The following CCDC27 variants were observed in gnomAD, a reference collection of about 807,000 sequenced individuals.
CCDC27 encodes the protein coiled-coil domain containing 27.
CCDC27 carries 80 observed loss-of-function variants against 80.3 expected under a neutral mutation model. That is an observed-to-expected ratio of 1.00 (90% CI 0.83 to 1.20). CCDC27 has a LOEUF of 1.20. CCDC27 is among the 50% of genes most tolerant of loss of function. The pLI, the probability that CCDC27 is intolerant of heterozygous loss-of-function variation, is 0.00. For missense variants in CCDC27, 815 were observed against 809.4 expected (o/e 1.01, Z -0.08); for synonymous variants, 342 against 334.3 (o/e 1.02, Z -0.25).
intron 3 of CCDC27, 115 bp from the exon 4 acceptor site, chr1:3,756,618 G>A: frequency 9.2e-7 from 1 of 1,082,098 alleles, no homozygotes; most frequent in Non-Finnish European, 1.4e-6. Context: ...GTCTGTCTGG[G>A]CAGATAGGGG....
intron 8 of CCDC27, among the ~76,000 whole-genome samples, chr1:3,764,993 C>T (rs952676940): frequency 2.0e-5 from 3 of 149,568 alleles, no homozygotes; most frequent in African/African-American, 7.4e-5. Context: ...CAAGATTGCA[C>T]CATTGCACTC....
intron 5 of CCDC27, among the ~76,000 whole-genome samples, chr1:3,762,341 G>T (rs896644078): frequency 2.0e-5 from 3 of 152,300 alleles, no homozygotes; most frequent in African/African-American, 7.2e-5. Context: ...CACAGTGGGC[G>T]TGTGTAAGGC....
intron 2 of CCDC27, 79 bp from the exon 3 acceptor site, chr1:3,755,378 A>G: frequency 8.1e-7 from 1 of 1,227,638 alleles, no homozygotes; most frequent in Admixed American, 1.7e-5. Context: ...GTGTTTAAGG[A>G]TAAATAAGAG....
intron 2 of CCDC27, among the ~76,000 whole-genome samples, chr1:3,755,032 G>C (rs1006792450): frequency 1.3e-5 from 2 of 152,188 alleles, no homozygotes; most frequent in African/African-American, 4.8e-5. Flanking sequence ...GGGGCCACAC[G>C]GTGTCCTGGG....
intron 8 of CCDC27, among the ~76,000 whole-genome samples, chr1:3,764,468 C>CA (rs144068514): frequency 0.025 from 3,769 of 151,998 alleles, 170 homozygotes; most frequent in African/African-American, 0.086. Context: ...TTAATGCTTC[C>CA]TTTTTTTTCC....
chr1:3,756,489 G>A (rs577785634), intron 3 of CCDC27: 15 of 398,838 alleles, frequency 3.8e-5, no homozygotes, highest in African/African-American at 6.1e-5. Context: ...CAGAGCTTCC[G>A]CACCTTCCTG....
rs185772802 is a variant in CCDC27 at position 3,767,220 on chromosome 1, C to T, written c.1531-13C>T. ...AATGACCCCACCTCTTTTTTCTCCC[C>T]GGCTGTCCCCAGCAAGTGTCGGAAC... is the stretch of plus-strand genomic sequence containing the variant. On this transcript the variant is annotated splice_polypyrimidine_tract_variant and intron_variant, in intron 9 of 11. Coordinates refer to ENST00000294600, the MANE Select transcript of CCDC27 (RefSeq NM_152492.3). 5.5e-5 allele frequency: 89 copies of T among 1,611,958 alleles called. No homozygotes were observed. The East Asian group carries it at 1.6e-3, about 29-fold the overall frequency.
Position 3,769,817 on chromosome 1 carries a change from C to T in CCDC27, c.1778C>T (p.Thr593Ile). The change falls in exon 11 of 12, where the codon ACC becomes ATC. Residue 593 changes from threonine (T) to isoleucine (I), a missense_variant. By Grantham distance (89) the Thr-to-Ile change is moderately conservative. Transcript: ENST00000294600. The surrounding 1 kb of genome is among the most constrained non-coding windows in gnomAD (Gnocchi z 4.6). ...TTAAGGAATAAGATCATCCAGGCCA[C>T]CTTTAGCATCTCCGGGACCAAGTCC... ...ERLRNKIIQATFSISGTKSLA... is the reference protein window; with the variant it reads ...ERLRNKIIQAIFSISGTKSLA... The T allele has an allele frequency of 6.2e-7, 1 of 1,614,072 alleles. No homozygotes were observed. The highest frequency in any genetic ancestry group is 8.5e-7 in the Non-Finnish European group (1 of 1,179,968).
chr1:3,762,552 G>C, intron 5 of CCDC27, 68 bp from the exon 6 acceptor site: 18 of 1,249,306 alleles, frequency 1.4e-5, no homozygotes, highest in Non-Finnish European at 2.0e-5. Flanking sequence ...TCTAGGACAG[G>C]CAGTGGTCTG....
In CCDC27 at chr1:3,763,610, C is replaced by A; in HGVS notation, c.1322-96C>A. On this transcript the variant is annotated intron_variant, in intron 7 of 11. Coordinates refer to ENST00000294600, the MANE Select transcript of CCDC27 (RefSeq NM_152492.3). The surrounding 1 kb of genome is among the most constrained non-coding windows in gnomAD (Gnocchi z 7.5). ...GTGTCGGCAGCCTCACCCAGGCTGG[C>A]AGAGCCCTCCCAGCTGCCGCAGTGG... 1 of 1,572,578 alleles carries A rather than the reference C, an allele frequency of 6.4e-7. No individual in the cohort carries two copies.
At chr1:3,765,296 T>C (rs1372146740) in intron 8 of CCDC27, among the ~76,000 whole-genome samples, 1 of 152,202 alleles carries the variant, frequency 6.6e-6, no homozygotes, top group African/African-American at 2.4e-5. Context: ...TCCCAGGTGA[T>C]CTGAAACCTC....
At position 3,763,550 on chromosome 1, in the gene CCDC27, T is replaced by C; in HGVS notation, c.1321+76T>C. On this transcript the variant is annotated intron_variant, in intron 7 of 11. Transcript: ENST00000294600. The surrounding 1 kb of genome is among the most constrained non-coding windows in gnomAD (Gnocchi z 7.5). ...CCCAGGAGCTGGGACGCCCAGACGC[T>C]GCCTGCTCTGGTCAGTGAGCTGGAG... 6.5e-7 allele frequency: 1 copy of C among 1,548,354 alleles called. No individual in the cohort carries two copies. The highest frequency in any genetic ancestry group is 8.7e-7 in the Non-Finnish European group (1 of 1,145,690).
chr1:3,763,597 T>C lies in CCDC27; in HGVS notation c.1322-109T>C. ...GGAGCAGGGGCAGGTGTCGGCAGCC[T>C]CACCCAGGCTGGCAGAGCCCTCCCA... On this transcript the variant is annotated intron_variant, in intron 7 of 11. Coordinates refer to ENST00000294600, the MANE Select transcript of CCDC27 (RefSeq NM_152492.3). This position sits in a 1 kb window ranked among gnomAD's most constrained non-coding sequence, Gnocchi z 7.5. 6.4e-7 allele frequency: 1 copy of C among 1,564,530 alleles called. No individual in the cohort carries two copies. The highest frequency in any genetic ancestry group is 8.7e-7 in the Non-Finnish European group (1 of 1,149,280).
Position 3,768,464 on chromosome 1 carries a change from G to C in CCDC27, c.1743+1019G>C, listed in dbSNP as rs1318323559. Among the ~76,000 whole-genome samples the C allele has an allele frequency of 6.6e-6, 1 of 152,092 alleles. No individual in the cohort carries two copies. Among genetic ancestry groups the C allele is most frequent in the Non-Finnish European group, 1.5e-5 (1 of 68,022 alleles). On this transcript the variant is annotated intron_variant, in intron 10 of 11. Transcript: ENST00000294600. The surrounding 1 kb of genome is among the most constrained non-coding windows in gnomAD (Gnocchi z 5.6). ...CATGTATGGAGGCTTTTGAAGTCAG[G>C]TTCCCACCAGAAATGCCAACTGCAA...
Position 3,767,387 on chromosome 1 carries a change from A to T in CCDC27, c.1685A>T (p.Glu562Val). The T allele has an allele frequency of 1.2e-6, 2 of 1,613,752 alleles. No individual in the cohort carries two copies. Among genetic ancestry groups the T allele is most frequent in the Non-Finnish European group, 1.7e-6 (2 of 1,180,028 alleles). The stretch of plus-strand genomic sequence containing the variant: ...CAGGAGGATTTGCAGAGCAAGAAGG[A>T]GATGATTCAGCAGGCAGAGCAGCAC... ...QLQEDLQSKKEMIQQAEQHTR... is the reference protein window; with the variant it reads ...QLQEDLQSKKVMIQQAEQHTR... Residue 562 changes from glutamate to valine, a missense_variant, in exon 10 of 12, where the codon GAG (glutamate) becomes GTG (valine). Transcript: ENST00000294600.
At chr1:3,755,327 C>T in intron 2 of CCDC27, 130 bp from the exon 3 acceptor site, 1 of 752,120 alleles carries the variant, frequency 1.3e-6, no homozygotes, top group East Asian at 2.5e-5. Context: ...CTTGCTCAGT[C>T]CCATGCATCC....
chr1:3,763,934 A>G lies in CCDC27; in HGVS notation c.1452+98A>G, dbSNP rs1643162478. ...GGGGCAGGCGCTGCCCGTCCCATCT[A>G]CTGATGGAGACTTTGAGCCTGGGGT... is the stretch of plus-strand genomic sequence containing the variant. On this transcript the variant is annotated intron_variant, in intron 8 of 11. Transcript: ENST00000294600. The surrounding 1 kb of genome is among the most constrained non-coding windows in gnomAD (Gnocchi z 7.5). 3 of 1,486,766 alleles carry G rather than the reference A, an allele frequency of 2.0e-6. No homozygotes were observed. The highest frequency in any genetic ancestry group is 1.4e-5 in the African/African-American group (1 of 71,332). 92.1% of individuals were successfully genotyped at this position (1,486,766 alleles called of 1,614,324 possible).
At chr1:3,754,603 A>T (rs1026514625) in intron 2 of CCDC27, among the ~76,000 whole-genome samples, 1 of 152,154 alleles carries the variant, frequency 6.6e-6, no homozygotes, top group Non-Finnish European at 1.5e-5. Flanking sequence ...CTCATTAGGG[A>T]CAGTGCCCCT....
rs1228464961 is a variant in CCDC27, at chr1:3,763,567, G to C, written c.1321+93G>C. 2.6e-6 allele frequency: 4 copies of C among 1,550,752 alleles called. No homozygotes were observed. Among genetic ancestry groups the C allele is most frequent in the African/African-American group, 2.7e-5 (2 of 73,402 alleles). On this transcript the variant is annotated intron_variant, in intron 7 of 11. Transcript: ENST00000294600. The surrounding 1 kb of genome is among the most constrained non-coding windows in gnomAD (Gnocchi z 7.5). ...CCAGACGCTGCCTGCTCTGGTCAGT[G>C]AGCTGGAGCAGGGGCAGGTGTCGGC...
Sources: gnomAD v4.1 joint callset for allele counts (sites outside exome capture counted in the v4.1 genomes callset) on GRCh38, gnomAD v4.1.1 for gene constraint, Gnocchi (gnomAD v3.1) non-coding constraint, MANE v1.5 for transcripts, NCBI Gene and HGNC (gene_info 2026-07-23, HGNC 2026-07-21) for gene names.